Variants in PLEKHG4B observed in about 807,000 individuals in gnomAD.
PLEKHG4B encodes pleckstrin homology domain-containing family G member 4B.
A neutral mutation model predicts 121.3 loss-of-function variants in PLEKHG4B; 111 were observed. The observed-to-expected ratio is 0.92, with a 90% CI of 0.78 to 1.07. The LOEUF (loss-of-function observed/expected upper bound fraction) is 1.07, where lower values mean the gene tolerates loss of function less well. Ranked by LOEUF, PLEKHG4B falls within the 50% of genes least tolerant of loss-of-function variation. The probability of loss-of-function intolerance (pLI) is 0.00; values close to 1 mark genes in which losing one functional copy is unlikely to be tolerated. For synonymous variants in PLEKHG4B, 738 were observed against 725.0 expected (o/e 1.02, Z -0.29); for missense variants, 1,831 against 1,757.8 (o/e 1.04, Z -0.74).
chr5:142,519 G>C (rs933583793), intron 3 of PLEKHG4B, among the ~76,000 whole-genome samples: 3 of 150,252 alleles, frequency 2.0e-5, no homozygotes, highest in African/African-American at 7.4e-5. Flanking sequence ...GCAGACACAT[G>C]CCTCCAACGA....
intron 6 of PLEKHG4B, among the ~76,000 whole-genome samples, chr5:148,161 T>C (rs1292565666): frequency 2.0e-5 from 3 of 151,298 alleles, no homozygotes; most frequent in African/African-American, 7.3e-5. Context: ...TCATCTAAAA[T>C]CAGGAACAAG....
At chr5:106,905 T>G (rs1371991124) in intron 1 of PLEKHG4B, among the ~76,000 whole-genome samples, 1 of 152,198 alleles carries the variant, frequency 6.6e-6, no homozygotes, top group Non-Finnish European at 1.5e-5. Context: ...TATGTACGTG[T>G]GTGTGCACGC....
intron 2 of PLEKHG4B, among the ~76,000 whole-genome samples, chr5:132,104 A>T (rs1274932785): frequency 6.6e-6 from 1 of 152,210 alleles, no homozygotes; most frequent in East Asian, 1.9e-4. Context: ...TACCAGGAAC[A>T]AGACAAGGAT....
At chr5:144,716 C>T in intron 5 of PLEKHG4B, 111 bp from the exon 6 acceptor site, 1 of 913,724 alleles carries the variant, frequency 1.1e-6, no homozygotes, top group Non-Finnish European at 1.7e-6. Context: ...GAACCCCTAA[C>T]TTCTAGAGCT....
chr5:156,167 C>T lies in PLEKHG4B; in HGVS notation c.2305C>T (p.Leu769=), dbSNP rs549220555. 1.3e-6 allele frequency: 2 copies of T among 1,585,588 alleles called. No individual in the cohort carries two copies. Among genetic ancestry groups the T allele is most frequent in the Non-Finnish European group, 1.7e-6 (2 of 1,166,400 alleles). Residue 769 remains leucine (L), a synonymous_variant, in exon 10 of 20, where the codon CTG becomes TTG. Transcript: ENST00000637938. This position sits in a 1 kb window ranked among gnomAD's most constrained non-coding sequence, Gnocchi z 4.4. The stretch of plus-strand genomic sequence containing the variant: ...TCTCAGGCTGGAGGGGGGCACCGTC[C>T]TGGCGCGGCTGAGGAGAGAAGAGCT... The part of the protein sequence containing the change: ...VSLRLEGGTV[L]ARLRREELGT...
In PLEKHG4B at chr5:134,258, G is replaced by A. The variant is rs570761865; in HGVS notation, c.244-5225G>A. 1.8e-3 allele frequency among the ~76,000 whole-genome samples: 271 copies of A among 151,512 alleles called. 1 individual carries two copies. Among genetic ancestry groups the A allele is most frequent in the Non-Finnish European group, 3.5e-3 (235 of 67,846 alleles). Reference sequence around the variant, plus strand: ...AGACATTGTATGTTCTCATTCATAAGTGGCAGCTAAGCTATGAGAATGCAA... The same window carrying A: ...AGACATTGTATGTTCTCATTCATAAATGGCAGCTAAGCTATGAGAATGCAA... On this transcript the variant is annotated intron_variant, in intron 2 of 19. Transcript: ENST00000637938.
rs1736137918 is a variant in PLEKHG4B, at chr5:163,808, CTG to C, written c.3476+263_3476+264del. Among the ~76,000 whole-genome samples the C allele has an allele frequency of 2.0e-5, 3 of 152,358 alleles. No homozygotes were observed. In the South Asian group the frequency reaches 6.2e-4, roughly 32 times the overall value. On this transcript the variant is annotated intron_variant, in intron 13 of 19. Coordinates refer to ENST00000637938, the MANE Select transcript of PLEKHG4B (RefSeq NM_052909.5). ...CACACTCACTCTGACGGTTAAGTAA[CTG>C]TGCGACCAACTCTAGTTATTTTCAG... is the stretch of plus-strand genomic sequence containing the variant.
chr5:120,564 T>A (rs546585418), intron 2 of PLEKHG4B, among the ~76,000 whole-genome samples: 3 of 152,320 alleles, frequency 2.0e-5, no homozygotes, highest in African/African-American at 7.2e-5. Flanking sequence ...CTCATTGCAC[T>A]CCTGTAGCTT....
chr5:158,368 C>T (rs550744183), intron 11 of PLEKHG4B, among the ~76,000 whole-genome samples: 82 of 145,500 alleles, frequency 5.6e-4, no homozygotes, highest in African/African-American at 6.9e-4. Context: ...CTCCCTCTGC[C>T]CATCCTGGGG....
Position 168,458 on chromosome 5 carries a change from T to C in PLEKHG4B, c.3477-882T>C, listed in dbSNP as rs554426747. On this transcript the variant is annotated intron_variant, in intron 13 of 19. Transcript: ENST00000637938. ...GAGTAACTACCATGGAAGCTGACCC[T>C]CGAGAAAACCTCCTGGTCAGTCAGC... is the stretch of plus-strand genomic sequence containing the variant. Among the ~76,000 whole-genome samples the C allele has an allele frequency of 2.0e-5, 3 of 152,260 alleles. No individual in the cohort carries two copies. The South Asian group carries it at 6.2e-4, about 32-fold the overall frequency.
At chr5:118,875 G>A (rs1236213833) in intron 2 of PLEKHG4B, among the ~76,000 whole-genome samples, 1 of 150,548 alleles carries the variant, frequency 6.6e-6, no homozygotes, top group East Asian at 1.9e-4. Flanking sequence ...TTTTGAGACA[G>A]GGTCTCACTC....
intron 2 of PLEKHG4B, among the ~76,000 whole-genome samples, chr5:127,920 C>T (rs1278718517): frequency 6.6e-6 from 1 of 152,068 alleles, no homozygotes; most frequent in Non-Finnish European, 1.5e-5. Flanking sequence ...TTGGTTTGGT[C>T]CAGAAAGGCA....
Position 173,920 on chromosome 5 carries a change from G to A in PLEKHG4B, c.4224G>A (p.Thr1408=), listed in dbSNP as rs752524145. ...CAATGGGTGTTTGCTGACTGCAGACGGCCGAGATCGGGATGACAGAGAACG... is the reference window on the plus strand; with the variant it reads ...CAATGGGTGTTTGCTGACTGCAGACAGCCGAGATCGGGATGACAGAGAACG... ...DVYLYKQSFK[T]AEIGMTENVG... The change falls in exon 18 of 20, where the codon ACG becomes ACA. Residue 1408 remains threonine, a splice_region_variant and synonymous_variant. Transcript: ENST00000637938. The A allele has an allele frequency of 4.3e-6, 7 of 1,613,074 alleles. No individual in the cohort carries two copies. Among genetic ancestry groups the A allele is most frequent in the African/African-American group, 2.7e-5 (2 of 74,858 alleles).
At chr5:97,651 C>G (rs1310210493) in intron 1 of PLEKHG4B, among the ~76,000 whole-genome samples, 1 of 150,450 alleles carries the variant, frequency 6.6e-6, no homozygotes, top group African/African-American at 2.5e-5. Flanking sequence ...GGCTGTATAA[C>G]TCTCCGCTGT....
At chr5:134,069 A>G (rs1399372811) in intron 2 of PLEKHG4B, among the ~76,000 whole-genome samples, 3 of 111,320 alleles carry the variant, frequency 2.7e-5, no homozygotes, top group East Asian at 5.2e-4. Context: ...ATATATATAT[A>G]TGATAGAATA....
chr5:152,885 C>G (rs1397798716), intron 7 of PLEKHG4B, among the ~76,000 whole-genome samples: 2 of 152,176 alleles, frequency 1.3e-5, no homozygotes, highest in African/African-American at 4.8e-5. Flanking sequence ...GTGGCCCTTC[C>G]TTACTCTGTC....
Position 181,654 on chromosome 5 carries a change from G to A in PLEKHG4B, c.4543G>A (p.Asp1515Asn), listed in dbSNP as rs749178252. 1.1e-5 allele frequency: 17 copies of A among 1,613,524 alleles called. No homozygotes were observed. The highest frequency in any genetic ancestry group is 6.7e-5 in the East Asian group (3 of 44,900). ...TGCAGTGATGAGCGACCGAGTCCCC[G>A]ACAGCATCGTCAAGGGCACAGGTAC... ...KCAVMSDRVP[D>N]SIVKGTESQM... is the part of the protein sequence containing the mutation. The change falls in exon 19 of 20, where the codon GAC becomes AAC. Residue 1515 changes from aspartate (D) to asparagine (N), a missense_variant. Asp to Asn is a conservative substitution (Grantham distance 23). Transcript: ENST00000637938.
intron 1 of PLEKHG4B, among the ~76,000 whole-genome samples, chr5:99,167 A>AGT (rs1553979181): frequency 9.7e-5 from 8 of 82,634 alleles, no homozygotes; most frequent in Non-Finnish European, 1.3e-4. Context: ...AAAAAAAAAA[A>AGT]GTGTATATAT....
At chr5:114,377 G>A (rs1229059718) in intron 2 of PLEKHG4B, among the ~76,000 whole-genome samples, 3 of 152,310 alleles carry the variant, frequency 2.0e-5, no homozygotes, top group African/African-American at 4.8e-5. Flanking sequence ...TATCAACTAA[G>A]TTTATGGAGT....
Sources: allele counts gnomAD v4.1 joint callset (sites outside exome capture counted in the v4.1 genomes callset), GRCh38; gene constraint gnomAD v4.1.1; non-coding constraint Gnocchi (gnomAD v3.1); transcripts MANE v1.5; gene names NCBI Gene and HGNC (gene_info 2026-07-23, HGNC 2026-07-21).